CASK: variants seen among roughly 807,000 people sequenced by gnomAD.
CASK encodes the protein calcium/calmodulin dependent serine protein kinase.
In CASK, 4 loss-of-function variants were observed where a neutral mutation model predicts 82.9. The observed-to-expected ratio is 0.05, with a 90% CI of 0.02 to 0.11. The LOEUF is 0.11. CASK is among the 10% of genes least tolerant of loss of function. CASK has a pLI of 1.00. For missense variants in CASK, 358 were observed against 720.9 expected, an observed-to-expected ratio of 0.50 and a Z score of 5.76; for synonymous variants, 259 against 253.5, an observed-to-expected ratio of 1.02 and a Z score of -0.20.
intron 2 of CASK, among the ~76,000 whole-genome samples, chrX:41,832,438 A>G (rs953574536): frequency 8.9e-6 from 1 of 112,609 alleles, no homozygotes; most frequent in Admixed American, 9.3e-5. Flanking sequence ...TCACTTTTAT[A>G]GATGTGAACG....
At chrX:41,610,865 T>A (rs922213016) in intron 11 of CASK, among the ~76,000 whole-genome samples, 3 of 111,690 alleles carry the variant, frequency 2.7e-5, no homozygotes, top group Non-Finnish European at 3.8e-5. Context: ...TTGCAGGCAA[T>A]ATGCAGAATA....
intron 5 of CASK, among the ~76,000 whole-genome samples, chrX:41,684,019 G>A (rs1348652235): frequency 9.0e-6 from 1 of 111,560 alleles, no homozygotes; most frequent in Non-Finnish European, 1.9e-5. Context: ...ATACATGAAT[G>A]GGGAAGGAGG....
intron 2 of CASK, among the ~76,000 whole-genome samples, chrX:41,844,621 C>G (rs758382000): frequency 9.0e-6 from 1 of 111,410 alleles, no homozygotes; most frequent in South Asian, 3.6e-4. Flanking sequence ...TTAAAGCCTA[C>G]TCAATTTTAT....
intron 12 of CASK, among the ~76,000 whole-genome samples, chrX:41,594,652 G>A (rs1370081837): frequency 8.9e-6 from 1 of 112,170 alleles, no homozygotes; most frequent in African/African-American, 3.2e-5. Flanking sequence ...AAGCATGTGT[G>A]TGTTTCCCAT....
intron 3 of CASK, among the ~76,000 whole-genome samples, chrX:41,757,965 C>G (rs756210690): frequency 1.6e-4 from 18 of 112,522 alleles, no homozygotes; most frequent in African/African-American, 5.8e-4. Flanking sequence ...AGAAAGGAGT[C>G]ATGTACGCAT....
chrX:41,696,756 C>T (rs752491682), intron 5 of CASK: 1 of 1,175,605 alleles, frequency 8.5e-7, no homozygotes, highest in Non-Finnish European at 1.1e-6. Context: ...AGTGAAAATA[C>T]AGTCTAGTTC....
intron 5 of CASK, among the ~76,000 whole-genome samples, chrX:41,700,960 C>A (rs1330580535): frequency 1.3e-5 from 1 of 79,501 alleles, no homozygotes; most frequent in East Asian, 4.9e-4. Flanking sequence ...AAAAAAGGTT[C>A]CTGTTAGTCA....
intron 8 of CASK, among the ~76,000 whole-genome samples, chrX:41,645,227 A>G (rs1214449039): frequency 9.0e-6 from 1 of 111,668 alleles, no homozygotes; most frequent in Non-Finnish European, 1.9e-5. Context: ...ACATGATTTA[A>G]CAACTCCCCA....
chrX:41,656,916 A>C (rs1380020612), intron 8 of CASK, among the ~76,000 whole-genome samples: 1 of 111,864 alleles, frequency 8.9e-6, no homozygotes, highest in Admixed American at 9.5e-5. Context: ...ATGATTCCTA[A>C]ACAAGAAATT....
chrX:41,561,156 G>A (rs2065223197), intron 17 of CASK, among the ~76,000 whole-genome samples: 1 of 111,493 alleles, frequency 9.0e-6, no homozygotes, highest in Non-Finnish European at 1.9e-5. Context: ...CTTCTATGCT[G>A]TAGAGAAATC....
At chrX:41,575,455 G>A (rs763765123) in intron 15 of CASK, among the ~76,000 whole-genome samples, 2 of 111,008 alleles carry the variant, frequency 1.8e-5, no homozygotes, top group South Asian at 7.6e-4. Context: ...GCCTTTCCCT[G>A]TTTATATAAG....
At chrX:41,834,952 T>C (rs1307390522) in intron 2 of CASK, among the ~76,000 whole-genome samples, 1 of 111,717 alleles carries the variant, frequency 9.0e-6, no homozygotes, top group East Asian at 2.8e-4. Context: ...CCAAAATTCA[T>C]CTTGTACCTA....
At chrX:41,838,121 G>A (rs976701626) in intron 2 of CASK, among the ~76,000 whole-genome samples, 2 of 111,722 alleles carry the variant, frequency 1.8e-5, no homozygotes, top group Non-Finnish European at 3.8e-5. Context: ...TGAAAGTGGT[G>A]GAATTACAGG....
chrX:41,840,391 G>C (rs1452034682), intron 2 of CASK, among the ~76,000 whole-genome samples: 1 of 112,215 alleles, frequency 8.9e-6, no homozygotes, highest in East Asian at 2.8e-4. Flanking sequence ...TTGCTGGCAT[G>C]TAAGAAAGCG....
chrX:41,676,398 C>T lies in CASK; in HGVS notation c.430-4868G>A, dbSNP rs780158801. The T allele has an allele frequency of 2.0e-5, 24 of 1,197,479 alleles. 1 individual carries two copies. In the Admixed American group the frequency reaches 2.8e-4, roughly 14 times the overall value. On this transcript the variant is annotated intron_variant, in intron 5 of 26. Transcript: ENST00000378163. ...CTCTCCTCATTGGATAATTCAGCTC[C>T]TTGCTCAGTTACAGACTTCATGCAG...
At chrX:41,668,546 C>G (rs902850104) in intron 6 of CASK, among the ~76,000 whole-genome samples, 5 of 111,251 alleles carry the variant, frequency 4.5e-5, no homozygotes, top group African/African-American at 1.6e-4. Context: ...TAGTTGTATT[C>G]TGGATAAGTA....
intron 2 of CASK, among the ~76,000 whole-genome samples, chrX:41,848,935 G>A (rs751005919): frequency 8.9e-6 from 1 of 112,117 alleles, no homozygotes; most frequent in Admixed American, 9.4e-5. Flanking sequence ...CTGGATAGCT[G>A]TAAGCCTTTG....
intron 3 of CASK, among the ~76,000 whole-genome samples, chrX:41,772,126 G>A (rs1285068363): frequency 5.4e-5 from 6 of 110,278 alleles, no homozygotes; most frequent in African/African-American, 9.9e-5. Flanking sequence ...CGAGGCAGGC[G>A]GATCACTTGA....
chrX:41,631,466 T>G (rs1464999162), intron 9 of CASK, among the ~76,000 whole-genome samples: 1 of 111,206 alleles, frequency 9.0e-6, no homozygotes, highest in Non-Finnish European at 1.9e-5. Flanking sequence ...ATATATGTAT[T>G]TCTTTTCTTT....
Sources: allele counts gnomAD v4.1 joint callset (sites outside exome capture counted in the v4.1 genomes callset), GRCh38; gene constraint gnomAD v4.1.1; transcripts MANE v1.5; gene names NCBI Gene and HGNC (gene_info 2026-07-23, HGNC 2026-07-21).